The following PTK2 variants were observed in gnomAD, a reference collection of about 807,000 sequenced individuals.
The protein encoded by PTK2 is focal adhesion kinase 1.
PTK2 carries 45 observed loss-of-function variants against 150.1 expected under a neutral mutation model. The observed-to-expected ratio is 0.30, with a 90% CI of 0.24 to 0.38. The LOEUF is 0.38. PTK2 is among the 10% of genes least tolerant of loss of function. The pLI is 1.00. For missense variants in PTK2, 919 were observed against 1,307.3 expected (o/e 0.70, Z 4.58); for synonymous variants, 432 against 449.2 (o/e 0.96, Z 0.48).
At chr8:140,910,574 T>C (rs73714782) in intron 2 of PTK2, among the ~76,000 whole-genome samples, 4,977 of 152,270 alleles carry the variant, frequency 0.033, 281 homozygotes, top group African/African-American at 0.11. Flanking sequence ...GAAGTCTTTC[T>C]TCTACAGATA....
intron 27 of PTK2, among the ~76,000 whole-genome samples, chr8:140,681,409 A>C (rs2100016823): frequency 6.6e-6 from 1 of 151,460 alleles, no homozygotes; most frequent in Non-Finnish European, 1.5e-5. Context: ...TCACGCCCTG[A>C]GGAACTGGAA....
chr8:140,718,930 C>A (rs2100041256), intron 22 of PTK2, among the ~76,000 whole-genome samples: 1 of 152,188 alleles, frequency 6.6e-6, no homozygotes, highest in Non-Finnish European at 1.5e-5. Flanking sequence ...GTAATCCCAG[C>A]ACTTTGGGAG....
At position 140,669,715 on chromosome 8, in the gene PTK2, C is replaced by A; in HGVS notation, c.2710-1291G>T. 1.3e-6 allele frequency: 2 copies of A among 1,533,394 alleles called. No individual in the cohort carries two copies. The highest frequency in any genetic ancestry group is 1.7e-6 in the Non-Finnish European group (2 of 1,144,748). 95.0% of individuals were successfully genotyped at this position (1,533,394 alleles called of 1,614,324 possible). A position where few individuals can be genotyped will look rare whatever the true frequency, so the allele number is the denominator to read the frequency against. On this transcript the variant is annotated intron_variant, in intron 29 of 31. Coordinates refer to ENST00000522684, the Ensembl canonical transcript of PTK2. ...AGAGCTGGACAGACACACAAAGACACGATGTGCTTACCCTCCATGGCTATT... is the reference window on the plus strand; with the variant it reads ...AGAGCTGGACAGACACACAAAGACAAGATGTGCTTACCCTCCATGGCTATT...
chr8:140,928,101 T>C (rs1401203391), intron 1 of PTK2, among the ~76,000 whole-genome samples: 1 of 151,046 alleles, frequency 6.6e-6, no homozygotes, highest in Non-Finnish European at 1.5e-5. Context: ...CAAACGGAGC[T>C]ACATAGTAGT....
chr8:140,774,678 A>G (rs761341851), intron 14 of PTK2, among the ~76,000 whole-genome samples: 2 of 152,246 alleles, frequency 1.3e-5, no homozygotes, highest in African/African-American at 2.4e-5. Context: ...ACAAGTCATA[A>G]TAAAGACCTT....
rs2100195177 is a variant in PTK2, at chr8:140,990,232, A to G, written c.-122+10893T>C. ...TTATAACTTTAACTCTCCTTGACCA[A>G]TTTTTTTTTTTTTTTATTTTGAGAC... On this transcript the variant is annotated intron_variant, in intron 1 of 31. Transcript: ENST00000522684. 2.0e-5 allele frequency among the ~76,000 whole-genome samples: 3 copies of G among 146,878 alleles called. No individual in the cohort carries two copies. In the South Asian group the frequency reaches 6.5e-4, roughly 32 times the overall value.
At chr8:140,900,931 A>G (rs2100158203) in intron 2 of PTK2, among the ~76,000 whole-genome samples, 2 of 152,318 alleles carry the variant, frequency 1.3e-5, no homozygotes, top group Admixed American at 1.3e-4. Flanking sequence ...ATGGAACCAC[A>G]AAAGACCCTG....
At chr8:140,890,859 C>A in intron 2 of PTK2, 90 bp from the exon 3 acceptor site, 1 of 1,113,916 alleles carries the variant, frequency 9.0e-7, no homozygotes, top group South Asian at 1.4e-5. Flanking sequence ...ATGTCCTATA[C>A]TCTCTCTTGA....
chr8:140,795,643 A>G (rs1392489534), intron 12 of PTK2, among the ~76,000 whole-genome samples: 5 of 152,216 alleles, frequency 3.3e-5, no homozygotes, highest in African/African-American at 1.2e-4. Context: ...GTCCTCACCT[A>G]CATGAAATTT....
chr8:140,725,617 C>A (rs537620107), intron 22 of PTK2, among the ~76,000 whole-genome samples: 1 of 152,214 alleles, frequency 6.6e-6, no homozygotes, highest in East Asian at 1.9e-4. Context: ...GGGAGAAATC[C>A]CAGAATGAAG....
intron 2 of PTK2, among the ~76,000 whole-genome samples, chr8:140,922,517 A>G (rs946248271): frequency 6.6e-6 from 1 of 152,288 alleles, no homozygotes; most frequent in East Asian, 1.9e-4. Context: ...ACCAGCAAGC[A>G]TATCTGACAC....
At chr8:140,702,222 CT>C (rs57156667) in intron 25 of PTK2, among the ~76,000 whole-genome samples, 121 of 123,728 alleles carry the variant, frequency 9.8e-4, no homozygotes, top group Admixed American at 1.9e-3. Context: ...TATTTATTAC[CT>C]TTTTTTTTTT....
intron 1 of PTK2, among the ~76,000 whole-genome samples, chr8:140,964,243 A>G (rs2100184419): frequency 6.6e-6 from 1 of 152,126 alleles, no homozygotes; most frequent in Admixed American, 6.5e-5. Flanking sequence ...CCTGTTTTTT[A>G]AGAGACAGGG....
At chr8:140,665,629 A>G (rs2090387596) in intron 30 of PTK2, among the ~76,000 whole-genome samples, 1 of 152,234 alleles carries the variant, frequency 6.6e-6, no homozygotes, top group East Asian at 1.9e-4. Context: ...TTACTGTCAT[A>G]CTTATGAGGA....
intron 3 of PTK2, among the ~76,000 whole-genome samples, chr8:140,882,922 C>T (rs1279873615): frequency 6.6e-6 from 1 of 152,118 alleles, no homozygotes; most frequent in Admixed American, 6.6e-5. Flanking sequence ...ATTTATCTCA[C>T]ATTAATGAAT....
intron 9 of PTK2, among the ~76,000 whole-genome samples, chr8:140,818,604 G>A (rs577413738): frequency 1.3e-5 from 2 of 152,156 alleles, no homozygotes; most frequent in African/African-American, 2.4e-5. Flanking sequence ...TATCTAAATA[G>A]GTAAACTAGC....
intron 1 of PTK2, among the ~76,000 whole-genome samples, chr8:140,981,877 T>G (rs1352579136): frequency 6.6e-6 from 1 of 152,210 alleles, no homozygotes; most frequent in African/African-American, 2.4e-5. Flanking sequence ...TAACCAAGGC[T>G]GACTTGGGTG....
intron 15 of PTK2, among the ~76,000 whole-genome samples, chr8:140,762,741 G>A (rs943310252): frequency 1.3e-5 from 2 of 151,894 alleles, no homozygotes; most frequent in Admixed American, 6.6e-5. Flanking sequence ...TGTCTATATG[G>A]CTAATTAAAA....
chr8:140,669,674 G>C, intron 29 of PTK2, 53 bp downstream of exon 33: 1 of 1,518,654 alleles, frequency 6.6e-7, no homozygotes, highest in Non-Finnish European at 8.8e-7. Context: ...CATGCAGAGA[G>C]CCGGGTGTGA....
Sources: gnomAD v4.1 joint callset for allele counts (sites outside exome capture counted in the v4.1 genomes callset) on GRCh38, gnomAD v4.1.1 for gene constraint, MANE v1.5 for transcripts, NCBI Gene and HGNC (gene_info 2026-07-23, HGNC 2026-07-21) for gene names.